The following CUBN variants were observed in gnomAD, a reference collection of about 807,000 sequenced individuals.
The protein encoded by CUBN is 460 kDa receptor.
In CUBN, 282 loss-of-function variants were observed where a neutral mutation model predicts 405.3. That is an observed-to-expected ratio of 0.70 (90% CI 0.63 to 0.77). The LOEUF is 0.77. Ranked by LOEUF, CUBN falls within the 30% of genes least tolerant of loss-of-function variation. The probability of loss-of-function intolerance (pLI) is 0.00; values close to 1 mark genes in which losing one functional copy is unlikely to be tolerated. For synonymous variants in CUBN, 1,684 were observed against 1,617.0 expected (o/e 1.04, Z -0.99); for missense variants, 4,514 against 4,475.2 (o/e 1.01, Z -0.25).
At chr10:16,866,233 T>G (rs1840178929) in intron 59 of CUBN, among the ~76,000 whole-genome samples, 1 of 152,342 alleles carries the variant, frequency 6.6e-6, no homozygotes, top group South Asian at 2.1e-4. Context: ...ATAAGTTTAC[T>G]GAAAGCCCCT....
chr10:16,979,723 T>TA (rs1336642049), intron 31 of CUBN, among the ~76,000 whole-genome samples: 1 of 152,124 alleles, frequency 6.6e-6, no homozygotes, highest in Admixed American at 6.5e-5. Context: ...ATGTAAAACC[T>TA]AAAATCATAA....
chr10:16,995,196 G>T (rs1833698626), intron 28 of CUBN, among the ~76,000 whole-genome samples: 1 of 152,222 alleles, frequency 6.6e-6, no homozygotes, highest in Non-Finnish European at 1.5e-5. Flanking sequence ...TTTGGTAAGA[G>T]AAAGTTTTCA....
At chr10:16,867,225 T>G (rs1008555071) in intron 59 of CUBN, among the ~76,000 whole-genome samples, 2 of 152,180 alleles carry the variant, frequency 1.3e-5, no homozygotes, top group Admixed American at 1.3e-4. Flanking sequence ...GTCCACAAAG[T>G]TGATTTCCCT....
chr10:17,026,276 C>T (rs4525114), intron 27 of CUBN, among the ~76,000 whole-genome samples: 140,069 of 152,276 alleles, frequency 0.92, 64,744 homozygotes, highest in African/African-American at 0.95. Context: ...TATCCAAGTT[C>T]AGGTTACTTT....
intron 23 of CUBN, among the ~76,000 whole-genome samples, chr10:17,046,987 A>G (rs1835150524): frequency 6.6e-6 from 1 of 152,214 alleles, no homozygotes; most frequent in South Asian, 2.1e-4. Context: ...TTACCTGAAC[A>G]TGAAAACTTT....
chr10:16,849,442 C>A (rs768588554), intron 60 of CUBN, among the ~76,000 whole-genome samples: 2 of 152,122 alleles, frequency 1.3e-5, no homozygotes, highest in African/African-American at 4.8e-5. Context: ...CCTCTCTATT[C>A]GTGGAGCTGT....
rs754696638 is a variant in CUBN at position 17,084,347 on chromosome 10, TG to T, written c.2224del (p.Gln742ArgfsTer59). The T allele has an allele frequency of 6.2e-7, 1 of 1,614,170 alleles. No individual in the cohort carries two copies. On this transcript the variant is annotated frameshift_variant, in exon 17 of 67. Transcript: ENST00000377833. LOFTEE classifies it high-confidence loss of function. ...RQCVYMMKQP[Q>X]GEQIQINFTH... ...GAAGTTGATTTGTATTTGTTCTCCC[TG>T]GGGCTGCTTCATCATATAGACGCAT... is the stretch of plus-strand genomic sequence containing the variant.
rs1278463124 is a variant in CUBN at position 17,068,516 on chromosome 10, CA to C, written c.2791+88del. On this transcript the variant is annotated intron_variant, in intron 20 of 66. Transcript: ENST00000377833. ...GTGTACTTTAAAATTTTTCACAGTA[CA>C]GATGATTTTCATATAATTTATTTCT... is the stretch of plus-strand genomic sequence containing the variant. 21 of 1,214,514 alleles carry C rather than the reference CA, an allele frequency of 1.7e-5. No individual in the cohort carries two copies. In the Admixed American group the frequency reaches 3.7e-4, roughly 22 times the overall value. The allele number at this position is 1,214,514 out of a possible 1,614,324, so 75.2% of individuals were successfully genotyped here.
chr10:17,045,448 C>T (rs1198568667), intron 24 of CUBN, among the ~76,000 whole-genome samples: 1 of 151,140 alleles, frequency 6.6e-6, no homozygotes, highest in Non-Finnish European at 1.5e-5. Context: ...CAATTTCCAC[C>T]TCCTAGGTTC....
chr10:17,023,297 A>G (rs765877261), intron 27 of CUBN, among the ~76,000 whole-genome samples: 1 of 152,056 alleles, frequency 6.6e-6, no homozygotes, highest in East Asian at 1.9e-4. Flanking sequence ...GCATTAAAAT[A>G]AGCATCAAAT....
chr10:17,026,197 A>G (rs1003244896), intron 27 of CUBN, among the ~76,000 whole-genome samples: 1 of 152,156 alleles, frequency 6.6e-6, no homozygotes, highest in African/African-American at 2.4e-5. Flanking sequence ...GAGAGGCCTC[A>G]TTAGGGTGAT....
intron 51 of CUBN, among the ~76,000 whole-genome samples, chr10:16,902,029 GTA>G (rs36171086): frequency 5.8e-5 from 7 of 120,070 alleles, no homozygotes; most frequent in East Asian, 2.3e-4. Flanking sequence ...TATATAGTGT[GTA>G]TATATATATA....
chr10:16,959,111 C>T (rs1843150390), intron 31 of CUBN, among the ~76,000 whole-genome samples: 1 of 152,118 alleles, frequency 6.6e-6, no homozygotes, highest in African/African-American at 2.4e-5. Flanking sequence ...TGAACACCAC[C>T]CAAAGGCCAT....
chr10:16,893,515 C>T (rs1195364499), intron 54 of CUBN, among the ~76,000 whole-genome samples: 1 of 152,082 alleles, frequency 6.6e-6, no homozygotes, highest in East Asian at 1.9e-4. Flanking sequence ...TTGTTTATAA[C>T]CACACACAAT....
At chr10:16,889,119 T>C (rs1840915321) in intron 55 of CUBN, among the ~76,000 whole-genome samples, 1 of 152,216 alleles carries the variant, frequency 6.6e-6, no homozygotes, top group African/African-American at 2.4e-5. Context: ...TTTTCACCAC[T>C]AAAATGATTT....
At chr10:16,859,085 T>A (rs1839943936) in intron 59 of CUBN, among the ~76,000 whole-genome samples, 1 of 152,158 alleles carries the variant, frequency 6.6e-6, no homozygotes, top group Admixed American at 6.5e-5. Flanking sequence ...AGACTTGGTA[T>A]CAAAAACATG....
chr10:17,068,145 G>A lies in CUBN; in HGVS notation c.2927C>T (p.Thr976Ile), dbSNP rs1835654506. The A allele has an allele frequency of 1.9e-6, 3 of 1,613,382 alleles. No individual in the cohort carries two copies. The highest frequency in any genetic ancestry group is 1.7e-6 in the Non-Finnish European group (2 of 1,179,476). The change falls in exon 21 of 67, where the codon ACA becomes ATA. Residue 976 changes from threonine to isoleucine, a missense_variant. Physicochemically the swap from Thr to Ile is moderately conservative, Grantham distance 89 (BLOSUM62 -1). Transcript: ENST00000377833. ...PNHLIHLMFE[T>I]FHLEFHYNCT... ...ATTGTAATGAAACTCCAGATGAAAT[G>A]TTTCGAACATTAAATGAATCAGGTG...
intron 31 of CUBN, among the ~76,000 whole-genome samples, chr10:16,956,428 T>C (rs75143798): frequency 0.016 from 2,499 of 152,060 alleles, 33 homozygotes; most frequent in Non-Finnish European, 0.028. Context: ...CAATTCAAAT[T>C]ATAATTTCCA....
At chr10:17,035,418 A>C (rs17139663) in intron 27 of CUBN, among the ~76,000 whole-genome samples, 18,206 of 152,206 alleles carry the variant, frequency 0.12, 1,368 homozygotes, top group South Asian at 0.32. Context: ...TTCAGAAGAG[A>C]GTGTGATGTC....
Sources: allele counts gnomAD v4.1 joint callset (sites outside exome capture counted in the v4.1 genomes callset), GRCh38; gene constraint gnomAD v4.1.1; transcripts MANE v1.5; gene names NCBI Gene and HGNC (gene_info 2026-07-23, HGNC 2026-07-21).